SYTL2: variants seen among roughly 807,000 people sequenced by gnomAD.
SYTL2 encodes synaptotagmin like 2.
SYTL2 carries 165 observed loss-of-function variants against 198.7 expected under a neutral mutation model. The observed-to-expected ratio is 0.83, with a 90% confidence interval of 0.73 to 0.94. The LOEUF (loss-of-function observed/expected upper bound fraction) is 0.94. Among genes scored for constraint, SYTL2 ranks in the 40% least tolerant of loss-of-function variants. The pLI, the probability that SYTL2 is intolerant of heterozygous loss-of-function variation, is 0.00. For missense variants in SYTL2, 2,835 were observed against 2,582.8 expected (o/e 1.10, Z -2.12); for synonymous variants, 966 against 917.7 (o/e 1.05, Z -0.95).
At position 85,726,930 on chromosome 11, in the gene SYTL2, G is replaced by T. The variant is rs1216795337; in HGVS notation, c.2428C>A (p.His810Asn). Residue 810 changes from histidine (H) to asparagine (N), a missense_variant, in exon 8 of 20, where the codon CAT (histidine) becomes AAT (asparagine). Coordinates refer to ENST00000359152, the MANE Select transcript of SYTL2 (RefSeq NM_206927.4). ...EGEKAGAKIT[H>N]EKPTSSCSQE... ...CTACATGAAGATGTGGGTTTTTCAT[G>T]AGTTATCTTAGCACCAGCTTTCTCT... 2 of 1,536,372 alleles carry T rather than the reference G, an allele frequency of 1.3e-6. No individual in the cohort carries two copies. The highest frequency in any genetic ancestry group is 2.7e-5 in the African/African-American group (2 of 73,140).
At position 85,791,651 on chromosome 11, in the gene SYTL2, G is replaced by T. The variant is rs1224037211; in HGVS notation, c.-390+19303C>A. 1.3e-5 allele frequency among the ~76,000 whole-genome samples: 2 copies of T among 150,912 alleles called. 1 individual carries two copies. Among genetic ancestry groups the T allele is most frequent in the Middle Eastern group, 6.8e-3 (2 of 294 alleles). ...CTATCCATTGTGAACACAGCAAACA[G>T]TTGTTTTCCAATGTGCCTGCAATAG... On this transcript the variant is annotated intron_variant, in intron 1 of 19. Transcript: ENST00000359152.
At chr11:85,802,928 C>T (rs532750910) in intron 1 of SYTL2, among the ~76,000 whole-genome samples, 1 of 152,272 alleles carries the variant, frequency 6.6e-6, no homozygotes, top group Admixed American at 6.5e-5. Context: ...ATTCCAAAGC[C>T]AAGTTTATTT....
Position 85,789,375 on chromosome 11 carries a change from TATGTATATATATATATATATATATAA to T in SYTL2, c.-390+21553_-390+21578del, listed in dbSNP as rs1372191265. On this transcript the variant is annotated intron_variant, in intron 1 of 19. Transcript: ENST00000359152. Reference sequence around the variant, plus strand: ...ATATATATATATATATATATATATATATGTATATATATATATATATATATAATTTTTTTTTTTTTTGTAGAGACAAA... The same window carrying T: ...ATATATATATATATATATATATATATTTTTTTTTTTTTTTGTAGAGACAAA... 2.3e-3 allele frequency among the ~76,000 whole-genome samples: 124 copies of T among 53,996 alleles called. 1 individual carries two copies. Among genetic ancestry groups the T allele is most frequent in the African/African-American group, 7.3e-3 (74 of 10,116 alleles). 35.4% of individuals were successfully genotyped at this position (53,996 alleles called of 152,430 possible).
intron 1 of SYTL2, among the ~76,000 whole-genome samples, chr11:85,789,346 A>G (rs28517806): frequency 0.052 from 1,099 of 21,076 alleles, 7 homozygotes; most frequent in East Asian, 0.13. Context: ...GTGTGTATAT[A>G]TATATATATA....
At chr11:85,810,494 C>T (rs748489399) in intron 1 of SYTL2, among the ~76,000 whole-genome samples, 5 of 152,138 alleles carry the variant, frequency 3.3e-5, no homozygotes. Flanking sequence ...TTCCAAAACA[C>T]GTCTTATTTT....
chr11:85,829,315 G>A, the SYTL2 span, among the ~76,000 whole-genome samples: 1 of 152,102 alleles, frequency 6.6e-6, no homozygotes, highest in African/African-American at 2.4e-5. Context: ...CCACTTATAA[G>A]TGATAGCATG....
At chr11:85,723,943 C>A in intron 8 of SYTL2, 89 bp downstream of exon 8, 1 of 631,994 alleles carries the variant, frequency 1.6e-6, no homozygotes, top group Non-Finnish European at 2.4e-6. Context: ...TTAAGAATAT[C>A]AAATTAATCC....
At chr11:85,842,142 T>G in the SYTL2 span, among the ~76,000 whole-genome samples, 1 of 152,192 alleles carries the variant, frequency 6.6e-6, no homozygotes, top group Non-Finnish European at 1.5e-5. Flanking sequence ...ATGAGTTCAT[T>G]TCAAGGGTAA....
chr11:85,848,904 G>C, the SYTL2 span, among the ~76,000 whole-genome samples: 1 of 152,132 alleles, frequency 6.6e-6, no homozygotes, highest in East Asian at 1.9e-4. Flanking sequence ...GGAAAAAAAA[G>C]ACATGTGGTA....
chr11:85,786,418 G>C (rs1251878880), intron 1 of SYTL2, among the ~76,000 whole-genome samples: 2 of 152,144 alleles, frequency 1.3e-5, no homozygotes, highest in East Asian at 1.9e-4. Flanking sequence ...TAGTAAACTG[G>C]AAAAAGTCTA....
chr11:85,716,291 T>G (rs773726893), intron 11 of SYTL2: 2 of 152,186 alleles, frequency 1.3e-5, no homozygotes, highest in Non-Finnish European at 2.9e-5. Context: ...CTAACACCCC[T>G]TAGGGGCAGA....
At chr11:85,819,918 G>C in the SYTL2 span, among the ~76,000 whole-genome samples, 3 of 152,192 alleles carry the variant, frequency 2.0e-5, no homozygotes, top group Non-Finnish European at 4.4e-5. Context: ...TAAGGGAAGA[G>C]ACAGTATCTT....
intron 18 of SYTL2, among the ~76,000 whole-genome samples, chr11:85,697,289 C>T (rs1019743300): frequency 6.6e-6 from 1 of 152,192 alleles, no homozygotes; most frequent in Non-Finnish European, 1.5e-5. Flanking sequence ...ATCCGTCCGC[C>T]TTGGCCTCCC....
chr11:85,752,917 T>TAAAAAAAAAAAAAAAA (rs1162431708), intron 2 of SYTL2, among the ~76,000 whole-genome samples: 3 of 17,722 alleles, frequency 1.7e-4, no homozygotes, highest in African/African-American at 2.7e-4. Context: ...CTGCCTTCAT[T>TAAAAAAAAAAAAAAAA]AAAAAAAAAA....
the SYTL2 span, among the ~76,000 whole-genome samples, chr11:85,825,218 C>T: frequency 2.0e-5 from 3 of 152,060 alleles, no homozygotes; most frequent in South Asian, 2.1e-4. Flanking sequence ...GAAACCCCGT[C>T]TCTACTAAAA....
the SYTL2 span, chr11:85,854,116 C>A: frequency 6.6e-5 from 10 of 152,080 alleles, no homozygotes; most frequent in African/African-American, 2.2e-4. Context: ...AGATTACAGG[C>A]GTGAGGGATT....
the SYTL2 span, among the ~76,000 whole-genome samples, chr11:85,842,494 C>T: frequency 1.3e-5 from 2 of 152,244 alleles, no homozygotes; most frequent in African/African-American, 4.8e-5. Context: ...AGTTACCCAT[C>T]TCCCAATAAC....
At chr11:85,724,005 G>A (rs2088739765) in intron 8 of SYTL2, 27 bp downstream of exon 8, 1 of 1,364,952 alleles carries the variant, frequency 7.3e-7, no homozygotes, top group Non-Finnish European at 9.7e-7. Flanking sequence ...CAGACTCACT[G>A]TGAGTTAAAA....
At chr11:85,770,879 G>C (rs1464165207) in intron 1 of SYTL2, among the ~76,000 whole-genome samples, 2 of 152,198 alleles carry the variant, frequency 1.3e-5, no homozygotes, top group African/African-American at 4.8e-5. Context: ...AAGTAGGAAA[G>C]AGCCCAGGCT....
Sources: gnomAD v4.1 joint callset for allele counts (sites outside exome capture counted in the v4.1 genomes callset) on GRCh38, gnomAD v4.1.1 for gene constraint, MANE v1.5 for transcripts, NCBI Gene and HGNC (gene_info 2026-07-23, HGNC 2026-07-21) for gene names.